Variants in EMC10 observed in about 807,000 individuals in gnomAD.
The protein encoded by EMC10 is UPF0510 protein INM02.
EMC10 carries 40 observed loss-of-function variants against 32.2 expected under a neutral mutation model. The observed-to-expected ratio is 1.24, with a 90% CI of 0.96 to 1.61. EMC10 has a LOEUF of 1.61. Among genes scored for constraint, EMC10 ranks in the 40% most tolerant of loss-of-function variants. The probability of loss-of-function intolerance (pLI) is 0.00; values close to 1 mark genes in which losing one functional copy is unlikely to be tolerated. For synonymous variants in EMC10, 178 were observed against 158.4 expected (o/e 1.12, Z -0.93); for missense variants, 402 against 357.7 (o/e 1.12, Z -1.00).
Position 50,481,856 on chromosome 19 carries a change from C to T in EMC10, c.679-293C>T. The T allele has an allele frequency of 1.9e-6, 3 of 1,571,560 alleles. No homozygotes were observed. The South Asian group carries it at 3.5e-5, about 18-fold the overall frequency. The stretch of plus-strand genomic sequence containing the variant: ...GGCCCTGACCTGCGCTCCCTCCCTC[C>T]CCAGTGGCACATCATCCTGGGGGGG... On this transcript the variant is annotated intron_variant, in intron 6 of 6. Transcript: ENST00000334976.
rs1484418054 is a variant in EMC10, at chr19:50,480,493, C to CG, written c.403-83dup. ...CATGGGAAGGTTTTGAAAAATGCTC[C>CG]GGGGGTCCTGTGGTGGGGGCCGGGG... is the stretch of plus-strand genomic sequence containing the variant. On this transcript the variant is annotated intron_variant, in intron 4 of 6. Transcript: ENST00000334976. The surrounding 1 kb of genome is among the most constrained non-coding windows in gnomAD (Gnocchi z 4.4). The CG allele has an allele frequency of 4.1e-6, 6 of 1,449,464 alleles. No individual in the cohort carries two copies. The African/African-American group carries it at 5.7e-5, about 14-fold the overall frequency. The allele number at this position is 1,449,464 out of a possible 1,614,324, so 89.8% of individuals were successfully genotyped here. A position where few individuals can be genotyped will look rare whatever the true frequency, so the allele number is the denominator to read the frequency against.
At chr19:50,478,656 T>G (rs2040268930) in intron 2 of EMC10, among the ~76,000 whole-genome samples, 1 of 152,146 alleles carries the variant, frequency 6.6e-6, no homozygotes. Flanking sequence ...AGCCTCCGTA[T>G]TTTGCAGTTG....
chr19:50,483,147 T>C lies in EMC10; in HGVS notation c.*888T>C. On this transcript the variant is annotated 3_prime_UTR_variant, in exon 7 of 7. Coordinates refer to ENST00000334976, the MANE Select transcript of EMC10 (RefSeq NM_206538.4). Reference sequence around the variant, plus strand: ...ACGATACATTGAAATGTGTGAACGTTTTGAAAAGCTACAGCTTCCAGCAGC... The same window carrying C: ...ACGATACATTGAAATGTGTGAACGTCTTGAAAAGCTACAGCTTCCAGCAGC... 2.2e-6 allele frequency: 1 copy of C among 461,712 alleles called. No individual in the cohort carries two copies. The highest frequency in any genetic ancestry group is 1.6e-5 in the South Asian group (1 of 64,418). The allele number at this position is 461,712 out of a possible 1,614,324, so 28.6% of individuals were successfully genotyped here. A position where few individuals can be genotyped will look rare whatever the true frequency, so the allele number is the denominator to read the frequency against.
In EMC10 at chr19:50,480,343, C is replaced by T; in HGVS notation, c.402+128C>T. ...GAGGCCTGGGAGACTCAGACCTGGC[C>T]TTGCCTTCCGAGGCCTCCTGGTCTG... is the stretch of plus-strand genomic sequence containing the variant. On this transcript the variant is annotated intron_variant, in intron 4 of 6. Transcript: ENST00000334976. This position sits in a 1 kb window ranked among gnomAD's most constrained non-coding sequence, Gnocchi z 4.4. 5 of 1,088,236 alleles carry T rather than the reference C, an allele frequency of 4.6e-6. No individual in the cohort carries two copies. The highest frequency in any genetic ancestry group is 6.6e-6 in the Non-Finnish European group (5 of 753,048). 67.4% of individuals were successfully genotyped at this position (1,088,236 alleles called of 1,614,324 possible).
chr19:50,479,989 G>A (rs2040290695), intron 3 of EMC10, 122 bp from the exon 4 acceptor site: 2 of 771,688 alleles, frequency 2.6e-6, no homozygotes, highest in Non-Finnish European at 4.1e-6. Context: ...GCTGGCCTGG[G>A]GAGTGTGGGC....
chr19:50,484,344 G>GACAGAGTC lies in EMC10; in HGVS notation c.*2086_*2087insCAGAGTCA, dbSNP rs2040366940. On this transcript the variant is annotated 3_prime_UTR_variant, in exon 7 of 7. Transcript: ENST00000334976. Reference sequence around the variant, plus strand: ...CGCCAGGCCTACTGATGCTTTTTGGGAAGTGTTCCCAACTTGGAGTCCTGG... The same window carrying GACAGAGTC: ...CGCCAGGCCTACTGATGCTTTTTGGGACAGAGTCAAGTGTTCCCAACTTGGAGTCCTGG... The GACAGAGTC allele has an allele frequency of 6.6e-6, 1 of 152,096 alleles. No individual in the cohort carries two copies. The highest frequency in any genetic ancestry group is 6.6e-5 in the Admixed American group (1 of 15,248). 9.4% of individuals were successfully genotyped at this position (152,096 alleles called of 1,614,324 possible).
Position 50,480,711 on chromosome 19 carries a change from TGGAGCTGTTCAACACCTCG to T in EMC10, c.535_553del (p.Glu179CysfsTer54). ...GGCCATGAGGTGGAGGACGTGGACC[TGGAGCTGTTCAACACCTCG>T]GTGCAGCTGCAGCCGCCCACCACAG... On this transcript the variant is annotated frameshift_variant, in exon 5 of 7. Coordinates refer to ENST00000334976, the MANE Select transcript of EMC10 (RefSeq NM_206538.4). LOFTEE classifies it high-confidence loss of function. This position sits in a 1 kb window ranked among gnomAD's most constrained non-coding sequence, Gnocchi z 4.4. 6.2e-7 allele frequency: 1 copy of T among 1,606,242 alleles called. No homozygotes were observed. The highest frequency in any genetic ancestry group is 8.5e-7 in the Non-Finnish European group (1 of 1,177,398).
chr19:50,478,096 C>A, intron 2 of EMC10, 95 bp downstream of exon 2: 1 of 1,019,604 alleles, frequency 9.8e-7, no homozygotes, highest in Non-Finnish European at 1.4e-6. Context: ...ATGACATTTA[C>A]TAACAACCAT....
At position 50,483,045 on chromosome 19, in the gene EMC10, C is replaced by A. The variant is rs1432346679; in HGVS notation, c.*786C>A. 1.8e-6 allele frequency: 1 copy of A among 548,558 alleles called. No homozygotes were observed. The highest frequency in any genetic ancestry group is 1.5e-5 in the South Asian group (1 of 65,098). The allele number at this position is 548,558 out of a possible 1,614,324, so 34.0% of individuals were successfully genotyped here. On this transcript the variant is annotated 3_prime_UTR_variant, in exon 7 of 7. Coordinates refer to ENST00000334976, the MANE Select transcript of EMC10 (RefSeq NM_206538.4). Reference sequence around the variant, plus strand: ...CCACCCCCCGCCGCCCAGCATCCTACCTGGACTGCGGTGCTACGAGGGCCT... The same window carrying A: ...CCACCCCCCGCCGCCCAGCATCCTAACTGGACTGCGGTGCTACGAGGGCCT...
rs1011096865 is a variant in EMC10, at chr19:50,489,298, G to A, written c.*7039G>A. On this transcript the variant is annotated 3_prime_UTR_variant, in exon 7 of 7. Coordinates refer to ENST00000334976, the MANE Select transcript of EMC10 (RefSeq NM_206538.4). ...GTGGAGGCTGCACTACTGCACTCCA[G>A]CGGGTGAGTGAGCGAGAAAAAAAGC... is the stretch of plus-strand genomic sequence containing the variant. 1 of 152,530 alleles carries A rather than the reference G, an allele frequency of 6.6e-6. No individual in the cohort carries two copies. The highest frequency in any genetic ancestry group is 2.4e-5 in the African/African-American group (1 of 41,452). The allele number at this position is 152,530 out of a possible 1,614,324, so 9.4% of individuals were successfully genotyped here.
Position 50,482,459 on chromosome 19 carries a change from G to A in EMC10, c.*200G>A. On this transcript the variant is annotated 3_prime_UTR_variant, in exon 7 of 7. Coordinates refer to ENST00000334976, the MANE Select transcript of EMC10 (RefSeq NM_206538.4). ...CTGGACTGGGGCCTTTGGCACAGCA[G>A]CCGGTGTCTCCTGCGCCCGCCTCCC... 1 of 588,812 alleles carries A rather than the reference G, an allele frequency of 1.7e-6. No homozygotes were observed. Among genetic ancestry groups the A allele is most frequent in the South Asian group, 2.0e-5 (1 of 49,008 alleles). The allele number at this position is 588,812 out of a possible 1,614,324, so 36.5% of individuals were successfully genotyped here.
At chr19:50,477,390 G>A (rs1379864522) in intron 1 of EMC10, among the ~76,000 whole-genome samples, 4 of 152,220 alleles carry the variant, frequency 2.6e-5, no homozygotes, top group Non-Finnish European at 5.9e-5. Flanking sequence ...GCGACTGAGC[G>A]AGACCCTGTC....
chr19:50,479,067 G>A lies in EMC10; in HGVS notation c.297+1G>A, dbSNP rs779652312. On this transcript the variant is annotated splice_donor_variant, in intron 3 of 6. Transcript: ENST00000334976. LOFTEE classifies it high-confidence loss of function. ...CGAGGAGGAGCGGGGCCGACTCCGG[G>A]TGAGGTGGGGCCCTCAGGGCTGGGT... 1.4e-5 allele frequency: 22 copies of A among 1,598,460 alleles called. No homozygotes were observed. Among genetic ancestry groups the A allele is most frequent in the Non-Finnish European group, 1.9e-5 (22 of 1,173,374 alleles).
intron 6 of EMC10, chr19:50,481,860 G>A (rs764147364): frequency 7.0e-6 from 11 of 1,575,474 alleles, no homozygotes; most frequent in Non-Finnish European, 9.4e-6. Flanking sequence ...TCCCTCCCCA[G>A]TGGCACATCA....
At position 50,480,808 on chromosome 19, in the gene EMC10, C is replaced by T; in HGVS notation, c.584+46C>T. The T allele has an allele frequency of 2.6e-6, 4 of 1,566,522 alleles. No individual in the cohort carries two copies. The South Asian group carries it at 4.7e-5, about 19-fold the overall frequency. On this transcript the variant is annotated intron_variant, in intron 5 of 6. Coordinates refer to ENST00000334976, the MANE Select transcript of EMC10 (RefSeq NM_206538.4). This position sits in a 1 kb window ranked among gnomAD's most constrained non-coding sequence, Gnocchi z 4.4. ...CGGCGCTCTTGCCACCTGCCCCGGC[C>T]CTTCCTGGCGGCCTCAGGGTCTCCA...
rs1031529171 is a variant in EMC10 at position 50,480,222 on chromosome 19, T to G, written c.402+7T>G. 4 of 1,611,888 alleles carry G rather than the reference T, an allele frequency of 2.5e-6. No individual in the cohort carries two copies. Among genetic ancestry groups the G allele is most frequent in the Non-Finnish European group, 3.4e-6 (4 of 1,178,964 alleles). On this transcript the variant is annotated splice_region_variant and intron_variant, in intron 4 of 6. Transcript: ENST00000334976. The surrounding 1 kb of genome is among the most constrained non-coding windows in gnomAD (Gnocchi z 4.4). ...CTCCTCCTTTGTCCCTGCGGTGAGT[T>G]GGTGTCGGGGATGAGCCCCCTTCTC...
At position 50,487,118 on chromosome 19, in the gene EMC10, C is replaced by T. The variant is rs746335003; in HGVS notation, c.*4859C>T. On this transcript the variant is annotated 3_prime_UTR_variant, in exon 7 of 7. Transcript: ENST00000334976. ...GCGCTGTTGGTCCTTCAGGCAAGGT[C>T]GGGTTCCCTCGAAGTCTCTGTCTTA... The T allele has an allele frequency of 2.0e-5, 3 of 152,104 alleles. No individual in the cohort carries two copies. The highest frequency in any genetic ancestry group is 2.9e-5 in the Non-Finnish European group (2 of 68,032). 9.4% of individuals were successfully genotyped at this position (152,104 alleles called of 1,614,324 possible).
chr19:50,483,620 T>TGG lies in EMC10; in HGVS notation c.*1362_*1363dup, dbSNP rs2040356764. The TGG allele has an allele frequency of 6.5e-6, 1 of 153,370 alleles. No individual in the cohort carries two copies. Among genetic ancestry groups the TGG allele is most frequent in the Non-Finnish European group, 1.5e-5 (1 of 68,812 alleles). 9.5% of individuals were successfully genotyped at this position (153,370 alleles called of 1,614,324 possible). On this transcript the variant is annotated 3_prime_UTR_variant, in exon 7 of 7. Coordinates refer to ENST00000334976, the MANE Select transcript of EMC10 (RefSeq NM_206538.4). ...CTCTGTTACCCAAGCTGGAGTGCAG[T>TGG]GGCGGTACCTTGACTCACTGCGACC... is the stretch of plus-strand genomic sequence containing the variant.
chr19:50,478,802 C>T (rs1195246567), intron 2 of EMC10, among the ~76,000 whole-genome samples, 155 bp from the exon 3 acceptor site: 1 of 152,054 alleles, frequency 6.6e-6, no homozygotes, highest in African/African-American at 2.4e-5. Flanking sequence ...GAGGTGTCCC[C>T]ACTTTGCAGA....
Sources: allele counts gnomAD v4.1 joint callset (sites outside exome capture counted in the v4.1 genomes callset), GRCh38; gene constraint gnomAD v4.1.1; non-coding constraint Gnocchi (gnomAD v3.1); transcripts MANE v1.5; gene names NCBI Gene and HGNC (gene_info 2026-07-23, HGNC 2026-07-21).